The following ANO3 variants were observed in gnomAD, a reference collection of about 807,000 sequenced individuals.
ANO3 encodes anoctamin 3.
Under a neutral mutation model 144.8 loss-of-function variants are expected in ANO3, and 99 were observed. The observed-to-expected ratio is 0.68, with a 90% confidence interval of 0.58 to 0.81. ANO3 has a LOEUF of 0.81. Among genes scored for constraint, ANO3 ranks in the 30% least tolerant of loss-of-function variants. The pLI is 0.00. For synonymous variants in ANO3, 414 were observed against 392.6 expected, an observed-to-expected ratio of 1.05 and a Z score of -0.64; for missense variants, 905 against 1,202.2, an observed-to-expected ratio of 0.75 and a Z score of 3.66.
chr11:26,489,179 G>A (rs907933557), intron 4 of ANO3, among the ~76,000 whole-genome samples: 1 of 149,838 alleles, frequency 6.7e-6, no homozygotes, highest in African/African-American at 2.4e-5. Context: ...TAGGGACTTG[G>A]TGCCCTGTGT....
chr11:26,457,980 T>G (rs922606584), intron 3 of ANO3, among the ~76,000 whole-genome samples: 2 of 152,152 alleles, frequency 1.3e-5, no homozygotes, highest in African/African-American at 2.4e-5. Flanking sequence ...ATCAAATTAA[T>G]AAGAGCTTTT....
At chr11:26,342,301 T>A (rs1310107722) in intron 1 of ANO3, among the ~76,000 whole-genome samples, 1 of 152,212 alleles carries the variant, frequency 6.6e-6, no homozygotes, top group Non-Finnish European at 1.5e-5. Context: ...CCAAAATTCG[T>A]GTTGAAACTT....
chr11:26,538,625 T>A (rs1849569980), intron 10 of ANO3, among the ~76,000 whole-genome samples: 1 of 152,206 alleles, frequency 6.6e-6, no homozygotes, highest in African/African-American at 2.4e-5. Context: ...TCTGTCTAGG[T>A]AATTTTCTCT....
At chr11:26,430,178 C>T (rs1191743684) in intron 1 of ANO3, among the ~76,000 whole-genome samples, 1 of 151,206 alleles carries the variant, frequency 6.6e-6, no homozygotes, top group Non-Finnish European at 1.5e-5. Context: ...GGAAGATCAC[C>T]TGAACCCAGG....
At chr11:26,239,464 C>T (rs1024221078) in intron 1 of ANO3, among the ~76,000 whole-genome samples, 1 of 152,080 alleles carries the variant, frequency 6.6e-6, no homozygotes, top group Non-Finnish European at 1.5e-5. Flanking sequence ...ACTTGCTGGT[C>T]CCTCTGCCAG....
intron 24 of ANO3, among the ~76,000 whole-genome samples, chr11:26,652,045 G>T (rs187317341): frequency 6.6e-6 from 1 of 151,940 alleles, no homozygotes; most frequent in East Asian, 1.9e-4. Flanking sequence ...CCTTGGATAC[G>T]CAGGTCCTTT....
In ANO3 at chr11:26,660,484, G is replaced by A. The variant is rs1853847173; in HGVS notation, c.*40G>A. 1 of 1,537,370 alleles carries A rather than the reference G, an allele frequency of 6.5e-7. No homozygotes were observed. The highest frequency in any genetic ancestry group is 1.4e-5 in the African/African-American group (1 of 71,876). ...CCATTAGGGGTGATAACATTAATGG[G>A]AAGAAATGATGGCAACTTTGAATGC... On this transcript the variant is annotated 3_prime_UTR_variant, in exon 27 of 27. Transcript: ENST00000256737.
chr11:26,332,856 G>T (rs1855092090), intron 1 of ANO3, among the ~76,000 whole-genome samples: 1 of 152,140 alleles, frequency 6.6e-6, no homozygotes, highest in Non-Finnish European at 1.5e-5. Flanking sequence ...TCCCATGCTT[G>T]ATTCTGGGTT....
At chr11:26,471,331 T>C (rs1034043403) in intron 4 of ANO3, among the ~76,000 whole-genome samples, 5 of 151,962 alleles carry the variant, frequency 3.3e-5, no homozygotes, top group African/African-American at 1.2e-4. Flanking sequence ...GTGTGGCTAA[T>C]TTACAACCTC....
chr11:26,563,341 A>G (rs1376491205), intron 14 of ANO3: 1 of 1,391,392 alleles, frequency 7.2e-7, no homozygotes, highest in Non-Finnish European at 9.7e-7. Context: ...TGAACTTTCC[A>G]TATAACAAAG....
At chr11:26,189,099 AT>A (rs56114558) in exon 1 of ANO3, 17 of 632,482 alleles carry the variant, frequency 2.7e-5, no homozygotes, top group Middle Eastern at 8.1e-4. Flanking sequence ...GAATACTGTG[AT>A]TTTTTTTCCT....
At chr11:26,191,693 T>G (rs1315603346) in intron 1 of ANO3, among the ~76,000 whole-genome samples, 1 of 152,222 alleles carries the variant, frequency 6.6e-6, no homozygotes, top group African/African-American at 2.4e-5. Context: ...CTTTAATCAC[T>G]GATAATATTC....
At chr11:26,323,145 C>A (rs1291570581) in intron 1 of ANO3, among the ~76,000 whole-genome samples, 2 of 151,956 alleles carry the variant, frequency 1.3e-5, no homozygotes, top group African/African-American at 4.8e-5. Context: ...CTTCAAGATG[C>A]TCAAGGCTCA....
At chr11:26,254,216 G>A (rs909514690) in intron 1 of ANO3, among the ~76,000 whole-genome samples, 2 of 152,118 alleles carry the variant, frequency 1.3e-5, no homozygotes, top group Non-Finnish European at 2.9e-5. Flanking sequence ...GTGCACTAAA[G>A]TAAAGACTAT....
intron 5 of ANO3, among the ~76,000 whole-genome samples, chr11:26,510,629 A>G (rs1047220410): frequency 3.3e-5 from 5 of 152,210 alleles, no homozygotes; most frequent in Non-Finnish European, 7.3e-5. Flanking sequence ...TTTGGCTAGC[A>G]CTGAGCAAGC....
At chr11:26,641,517 A>G (rs974325565) in intron 21 of ANO3, among the ~76,000 whole-genome samples, 2 of 152,154 alleles carry the variant, frequency 1.3e-5, no homozygotes, top group Non-Finnish European at 2.9e-5. Context: ...AAGTTTAAGT[A>G]TTTCTATAGG....
chr11:26,608,936 C>G (rs1046568538), intron 17 of ANO3, among the ~76,000 whole-genome samples: 2 of 152,204 alleles, frequency 1.3e-5, no homozygotes, highest in African/African-American at 4.8e-5. Context: ...AGGGCTTAGA[C>G]AGCAGGCACC....
At chr11:26,608,565 A>G (rs1164409536) in intron 17 of ANO3, among the ~76,000 whole-genome samples, 3 of 152,156 alleles carry the variant, frequency 2.0e-5, no homozygotes, top group African/African-American at 7.2e-5. Flanking sequence ...CTGCTGGTTT[A>G]TAGAAACTGC....
At chr11:26,567,243 A>G (rs1850625022) in intron 14 of ANO3, 1 of 727,248 alleles carries the variant, frequency 1.4e-6, no homozygotes, top group Non-Finnish European at 2.0e-6. Flanking sequence ...CTTTAAAAAA[A>G]TAGACTTTTT....
Sources: allele counts gnomAD v4.1 joint callset (sites outside exome capture counted in the v4.1 genomes callset), GRCh38; gene constraint gnomAD v4.1.1; transcripts MANE v1.5; gene names NCBI Gene and HGNC (gene_info 2026-07-23, HGNC 2026-07-21).